Variants in SERPINE3 observed in about 807,000 individuals in gnomAD.
SERPINE3 encodes serpin E3.
SERPINE3 carries 43 observed loss-of-function variants against 41.7 expected under a neutral mutation model. The observed-to-expected ratio is 1.03, with a 90% CI of 0.81 to 1.33. SERPINE3 has a LOEUF of 1.33. Among genes scored for constraint, SERPINE3 ranks in the 40% most tolerant of loss-of-function variants. The probability of loss-of-function intolerance (pLI) is 0.00; values close to 1 mark genes in which losing one functional copy is unlikely to be tolerated. For missense variants in SERPINE3, 440 were observed against 491.7 expected (o/e 0.89, Z 0.99); for synonymous variants, 200 against 192.2 (o/e 1.04, Z -0.34).
chr13:51,362,024 C>T (rs765525140), intron 9 of SERPINE3, 131 bp downstream of exon 9: 1 of 1,602,596 alleles, frequency 6.2e-7, no homozygotes, highest in South Asian at 1.1e-5. Context: ...TCAGAAGCTA[C>T]CCAGTTGCTA....
intron 1 of SERPINE3, among the ~76,000 whole-genome samples, chr13:51,340,411 G>C (rs933684587): frequency 1.3e-5 from 2 of 152,094 alleles, no homozygotes; most frequent in South Asian, 4.1e-4. Context: ...CAAGAATTCT[G>C]ATATTCGAGG....
chr13:51,355,099 C>T lies in SERPINE3; in HGVS notation c.956C>T (p.Thr319Ile). Residue 319 changes from threonine to isoleucine, a missense_variant, in exon 7 of 10, where the codon ACC becomes ATC. Physicochemically the swap from Thr to Ile is moderately conservative, Grantham distance 89. Transcript: ENST00000681248. ...LKSILNSWGV[T>I]DLFDPLKANL... ...AGCATTTTAAATTCTTGGGGAGTCACCGATCTTTTTGATCCACTCAAAGCT... is the reference window on the plus strand; with the variant it reads ...AGCATTTTAAATTCTTGGGGAGTCATCGATCTTTTTGATCCACTCAAAGCT... The T allele has an allele frequency of 6.4e-7, 1 of 1,552,266 alleles. No homozygotes were observed.
intron 3 of SERPINE3, among the ~76,000 whole-genome samples, chr13:51,342,024 G>A (rs1460124680): frequency 1.3e-5 from 2 of 152,038 alleles, no homozygotes; most frequent in East Asian, 1.9e-4. Flanking sequence ...TGAGTCTTTC[G>A]AATGCCAGGT....
intron 6 of SERPINE3, among the ~76,000 whole-genome samples, chr13:51,351,743 T>G (rs778591470): frequency 7.9e-5 from 12 of 151,912 alleles, no homozygotes; most frequent in Non-Finnish European, 1.6e-4. Context: ...TAGGTGTATG[T>G]TTTTTTTCCA....
At position 51,355,104 on chromosome 13, in the gene SERPINE3, C is replaced by T; in HGVS notation, c.961C>T (p.Leu321Phe). ...TTTAAATTCTTGGGGAGTCACCGAT[C>T]TTTTTGATCCACTCAAAGCTAACTT... ...SILNSWGVTD[L>F]FDPLKANLKG... The change falls in exon 7 of 10, where the codon CTT becomes TTT. Residue 321 changes from leucine to phenylalanine, a missense_variant. Physicochemically the swap from Leu to Phe is conservative, Grantham distance 22. Coordinates refer to ENST00000681248, the MANE Select transcript of SERPINE3 (RefSeq NM_001386375.1). 1 of 1,549,416 alleles carries T rather than the reference C, an allele frequency of 6.5e-7. No individual in the cohort carries two copies. Among genetic ancestry groups the T allele is most frequent in the Non-Finnish European group, 8.7e-7 (1 of 1,142,932 alleles).
In SERPINE3 at chr13:51,361,275, T is replaced by G; in HGVS notation, c.1001-3T>G. The G allele has an allele frequency of 6.2e-7, 1 of 1,602,406 alleles. No individual in the cohort carries two copies. The highest frequency in any genetic ancestry group is 8.5e-7 in the Non-Finnish European group (1 of 1,171,948). ...TCACATTTTTATCATTTTCTGTGGT[T>G]AGGCCAAGATGGCTTTTATGTTTCT... On this transcript the variant is annotated splice_polypyrimidine_tract_variant and splice_region_variant and intron_variant, in intron 7 of 9. Coordinates refer to ENST00000681248, the MANE Select transcript of SERPINE3 (RefSeq NM_001386375.1).
intron 6 of SERPINE3, chr13:51,354,162 CT>C (rs1955443636): frequency 6.6e-6 from 1 of 152,096 alleles, no homozygotes; most frequent in Admixed American, 6.5e-5. Flanking sequence ...TCAACAGCCT[CT>C]TTTCTGCACC....
At chr13:51,353,664 T>G (rs1955434575) in intron 6 of SERPINE3, among the ~76,000 whole-genome samples, 1 of 152,206 alleles carries the variant, frequency 6.6e-6, no homozygotes, top group Admixed American at 6.5e-5. Context: ...GTCAGCATAC[T>G]TGGAGAAAGT....
chr13:51,357,529 C>T, intron 7 of SERPINE3, among the ~76,000 whole-genome samples: 1 of 152,084 alleles, frequency 6.6e-6, no homozygotes, highest in South Asian at 2.1e-4. Flanking sequence ...GTCCCAAAGC[C>T]CAGAATCATT....
chr13:51,350,240 G>A (rs534147127), intron 6 of SERPINE3, among the ~76,000 whole-genome samples: 6 of 152,072 alleles, frequency 3.9e-5, no homozygotes, highest in Non-Finnish European at 7.4e-5. Context: ...GATTCTGGAC[G>A]AATTATGGTG....
chr13:51,351,396 CTAA>C (rs1162541114), intron 6 of SERPINE3, among the ~76,000 whole-genome samples: 1 of 152,110 alleles, frequency 6.6e-6, no homozygotes, highest in Non-Finnish European at 1.5e-5. Context: ...TCCCTAATGA[CTAA>C]TGAGGTAGAG....
intron 6 of SERPINE3, among the ~76,000 whole-genome samples, chr13:51,350,578 C>A (rs1955394536): frequency 6.6e-6 from 1 of 152,162 alleles, no homozygotes; most frequent in Non-Finnish European, 1.5e-5. Context: ...CTCCCAGGAG[C>A]TGCTGATTAT....
chr13:51,347,106 C>T lies in SERPINE3; in HGVS notation c.572C>T (p.Thr191Ile). The change falls in exon 5 of 10, where the codon ACC becomes ATC. Residue 191 changes from threonine to isoleucine, a missense_variant. Transcript: ENST00000681248. ...TTTGCTCAGCTTGTGCTTGTGAGCA[C>T]CATGTCCTTCCAAGGCACTTGGCGA... ...AAFAQLVLVS[T>I]MSFQGTWRKR... The T allele has an allele frequency of 6.2e-7, 1 of 1,611,576 alleles. No homozygotes were observed.
chr13:51,344,640 G>T (rs990110633), intron 4 of SERPINE3, among the ~76,000 whole-genome samples, 155 bp downstream of exon 4: 1 of 152,114 alleles, frequency 6.6e-6, no homozygotes, highest in African/African-American at 2.4e-5. Context: ...ATGACAAGGG[G>T]ACACTAAGTC....
At position 51,341,106 on chromosome 13, in the gene SERPINE3, G is replaced by C; in HGVS notation, c.15G>C (p.Leu5=). MPPF[L]ITLFLFHSCC... The stretch of plus-strand genomic sequence containing the variant: ...TCCCAGCCTCCATGCCGCCTTTCCT[G>C]ATCACCCTCTTCCTCTTTCACTCTT... The change falls in exon 3 of 10, where the codon CTG becomes CTC. Residue 5 remains leucine, a synonymous_variant. Transcript: ENST00000681248. 6.2e-7 allele frequency: 1 copy of C among 1,613,850 alleles called. No homozygotes were observed. Among genetic ancestry groups the C allele is most frequent in the South Asian group, 1.1e-5 (1 of 91,080 alleles).
intron 6 of SERPINE3, among the ~76,000 whole-genome samples, chr13:51,351,928 T>C (rs1209172186): frequency 6.6e-6 from 1 of 152,136 alleles, no homozygotes; most frequent in Non-Finnish European, 1.5e-5. Context: ...CTTGGCATCT[T>C]TGTCAAAATC....
intron 6 of SERPINE3, chr13:51,354,087 T>C (rs532347737): frequency 6.6e-6 from 1 of 152,344 alleles, no homozygotes; most frequent in African/African-American, 2.4e-5. Context: ...TATGAAAATA[T>C]ATTTTATCCA....
chr13:51,342,910 C>CA (rs1955308779), intron 3 of SERPINE3, among the ~76,000 whole-genome samples: 1 of 152,182 alleles, frequency 6.6e-6, no homozygotes, highest in Admixed American at 6.5e-5. Flanking sequence ...TTCATGAGAT[C>CA]AAGATTCTGA....
At chr13:51,347,315 C>T in intron 5 of SERPINE3, 81 bp downstream of exon 5, 2 of 1,201,758 alleles carry the variant, frequency 1.7e-6, no homozygotes, top group Non-Finnish European at 2.4e-6. Context: ...CAGGTCCCTG[C>T]TCCTAAGGGA....
Sources: allele counts gnomAD v4.1 joint callset (sites outside exome capture counted in the v4.1 genomes callset), GRCh38; gene constraint gnomAD v4.1.1; transcripts MANE v1.5; gene names NCBI Gene and HGNC (gene_info 2026-07-23, HGNC 2026-07-21).